The following KCNIP4 variants were observed in gnomAD, a reference collection of about 807,000 sequenced individuals.
The protein encoded by KCNIP4 is Kv channel-interacting protein 4.
Under a neutral mutation model 34.0 loss-of-function variants are expected in KCNIP4, and 12 were observed. That is an observed-to-expected ratio of 0.35 (90% CI 0.23 to 0.57). KCNIP4 has a LOEUF of 0.57. KCNIP4 is among the 20% of genes least tolerant of loss of function. The probability of loss-of-function intolerance (pLI) is 0.83; values close to 1 mark genes in which losing one functional copy is unlikely to be tolerated. For missense variants in KCNIP4, 238 were observed against 311.7 expected (o/e 0.76, Z 1.78); for synonymous variants, 124 against 102.2 (o/e 1.21, Z -1.29).
intron 1 of KCNIP4, among the ~76,000 whole-genome samples, chr4:21,771,818 A>T (rs1718814212): frequency 6.6e-6 from 1 of 152,216 alleles, no homozygotes; most frequent in Non-Finnish European, 1.5e-5. Context: ...CAGCTCAAGA[A>T]GTTTTTGGGC....
intron 1 of KCNIP4, among the ~76,000 whole-genome samples, chr4:21,915,032 T>C (rs981487983): frequency 2.6e-5 from 4 of 151,632 alleles, no homozygotes; most frequent in Non-Finnish European, 4.4e-5. Flanking sequence ...AAGACAAAAA[T>C]GAGAGCAGTT....
intron 3 of KCNIP4, among the ~76,000 whole-genome samples, chr4:20,768,157 A>T (rs1216725143): frequency 6.6e-6 from 1 of 152,200 alleles, no homozygotes; most frequent in African/African-American, 2.4e-5. Flanking sequence ...GGCAGGGACT[A>T]ACCTTTACGA....
At chr4:21,571,270 A>C (rs12640437) in intron 1 of KCNIP4, among the ~76,000 whole-genome samples, 1 of 152,188 alleles carries the variant, frequency 6.6e-6, no homozygotes, top group East Asian at 1.9e-4. Context: ...AGAAGAGTCT[A>C]CCAGGAGTGG....
chr4:21,784,166 A>G (rs1289021198), intron 1 of KCNIP4, among the ~76,000 whole-genome samples: 6 of 152,102 alleles, frequency 3.9e-5, no homozygotes, highest in African/African-American at 1.4e-4. Context: ...CCAGATACTT[A>G]TCAAACAGCT....
chr4:21,466,699 C>T (rs1161652151), intron 1 of KCNIP4, among the ~76,000 whole-genome samples: 1 of 152,100 alleles, frequency 6.6e-6, no homozygotes, highest in Non-Finnish European at 1.5e-5. Context: ...GAAACCCCAT[C>T]CCATTTATAC....
chr4:20,857,226 A>G (rs1035883047), intron 2 of KCNIP4, among the ~76,000 whole-genome samples: 2 of 152,082 alleles, frequency 1.3e-5, no homozygotes, highest in African/African-American at 2.4e-5. Context: ...TGATAAGTTA[A>G]AAAAGCAACA....
At chr4:21,458,043 G>C (rs1384049171) in intron 1 of KCNIP4, among the ~76,000 whole-genome samples, 1 of 151,102 alleles carries the variant, frequency 6.6e-6, no homozygotes, top group East Asian at 2.0e-4. Context: ...TGCTCATTGC[G>C]CAGGTTAGTT....
At chr4:21,201,755 C>G (rs1158476248) in intron 1 of KCNIP4, among the ~76,000 whole-genome samples, 1 of 152,208 alleles carries the variant, frequency 6.6e-6, no homozygotes, top group African/African-American at 2.4e-5. Flanking sequence ...ACCTTGGCCT[C>G]CCAAAATGCT....
intron 1 of KCNIP4, among the ~76,000 whole-genome samples, chr4:21,475,408 A>T (rs1309940556): frequency 1.3e-5 from 2 of 152,200 alleles, no homozygotes; most frequent in African/African-American, 2.4e-5. Flanking sequence ...CCACATGGAA[A>T]TGCCTTTACC....
At chr4:21,314,312 C>T (rs1289301591) in intron 1 of KCNIP4, among the ~76,000 whole-genome samples, 1 of 152,182 alleles carries the variant, frequency 6.6e-6, no homozygotes, top group Non-Finnish European at 1.5e-5. Flanking sequence ...TGATTAGGAA[C>T]CTTAGTTACA....
chr4:21,177,877 T>TATATATATATATATATATATATA (rs1338439962), intron 1 of KCNIP4, among the ~76,000 whole-genome samples: 11 of 146,340 alleles, frequency 7.5e-5, no homozygotes, highest in African/African-American at 2.8e-4. Context: ...TATATATATA[T>TATATATATATATATATATATATA]AAAATATAAC....
At chr4:21,554,453 G>A (rs942493684) in intron 1 of KCNIP4, among the ~76,000 whole-genome samples, 4 of 152,074 alleles carry the variant, frequency 2.6e-5, no homozygotes, top group African/African-American at 4.8e-5. Flanking sequence ...AACTCCAGAC[G>A]TGGAGCTAAA....
chr4:20,753,161 G>A (rs1753934465), intron 4 of KCNIP4, among the ~76,000 whole-genome samples: 1 of 152,126 alleles, frequency 6.6e-6, no homozygotes, highest in African/African-American at 2.4e-5. Flanking sequence ...ATACTATTTA[G>A]CATTGTATTT....
intron 1 of KCNIP4, among the ~76,000 whole-genome samples, chr4:21,204,773 G>A (rs114760685): frequency 2.8e-4 from 43 of 152,268 alleles, no homozygotes; most frequent in African/African-American, 1.0e-3. Flanking sequence ...GAAACATACA[G>A]GATCCCTCCT....
chr4:20,805,508 G>T (rs1052524298), intron 3 of KCNIP4, among the ~76,000 whole-genome samples: 1 of 151,908 alleles, frequency 6.6e-6, no homozygotes. Context: ...TGAGGTTTGG[G>T]TTGGATATTT....
chr4:21,621,833 G>A lies in KCNIP4; in HGVS notation c.61+326738C>T, dbSNP rs1745017833. On this transcript the variant is annotated intron_variant, in intron 1 of 8. Coordinates refer to ENST00000382152, the MANE Select transcript of KCNIP4 (RefSeq NM_025221.6). ...TGATTCACCTATTGTTAATACTCAG[G>A]AACATTCTGAGGTTGGAGCCAGTGC... is the stretch of plus-strand genomic sequence containing the variant. Among the ~76,000 whole-genome samples, 3 of 152,088 alleles carry A rather than the reference G, an allele frequency of 2.0e-5. 1 individual carries two copies. The highest frequency in any genetic ancestry group is 2.0e-4 in the Admixed American group (3 of 15,260).
Position 21,008,563 on chromosome 4 carries a change from G to A in KCNIP4, c.62-125854C>T, listed in dbSNP as rs1016204853. ...TTTTGAGACGGAGTCTCGCTCTGTC[G>A]CCCAGGTTGGAGTGCAGTGGTGCGA... On this transcript the variant is annotated intron_variant, in intron 1 of 8. Transcript: ENST00000382152. Among the ~76,000 whole-genome samples, 5 of 150,766 alleles carry A rather than the reference G, an allele frequency of 3.3e-5. No homozygotes were observed. The South Asian group carries it at 6.3e-4, about 19-fold the overall frequency.
intron 1 of KCNIP4, among the ~76,000 whole-genome samples, chr4:21,871,303 TC>T (rs1725795666): frequency 1.5e-5 from 2 of 133,948 alleles, no homozygotes; most frequent in South Asian, 5.7e-4. Flanking sequence ...TGTGTGATGT[TC>T]CCCATATAAA....
At chr4:21,941,860 G>A (rs759499771) in intron 1 of KCNIP4, among the ~76,000 whole-genome samples, 12 of 152,212 alleles carry the variant, frequency 7.9e-5, no homozygotes, top group Non-Finnish European at 1.3e-4. Context: ...TTATATCCAT[G>A]TTCAAATTAT....
Sources: allele counts gnomAD v4.1 joint callset (sites outside exome capture counted in the v4.1 genomes callset), GRCh38; gene constraint gnomAD v4.1.1; transcripts MANE v1.5; gene names NCBI Gene and HGNC (gene_info 2026-07-23, HGNC 2026-07-21).